The following ITSN1 variants were observed in gnomAD, a reference collection of about 807,000 sequenced individuals.
The protein encoded by ITSN1 is intersectin-1.
In ITSN1, 58 loss-of-function variants were observed where a neutral mutation model predicts 239.8. That is an observed-to-expected ratio of 0.24 (90% CI 0.20 to 0.30). The LOEUF is 0.30. Ranked by LOEUF, ITSN1 falls within the 10% of genes least tolerant of loss-of-function variation. The probability of loss-of-function intolerance (pLI) is 1.00; values close to 1 mark genes in which losing one functional copy is unlikely to be tolerated. For synonymous variants in ITSN1, 780 were observed against 770.8 expected (o/e 1.01, Z -0.20); for missense variants, 1,558 against 2,103.3 (o/e 0.74, Z 5.07).
chr21:33,865,031 C>A lies in ITSN1; in HGVS notation c.3891-120C>A. On this transcript the variant is annotated intron_variant, in intron 31 of 39. Transcript: ENST00000381318. The surrounding 1 kb of genome is among the most constrained non-coding windows in gnomAD (Gnocchi z 4.4). ...CCATTCCTTGTCTCCCAAATAGATC[C>A]TTTAGTGGCCCTTAAGGCTGTGCCC... 1 of 872,534 alleles carries A rather than the reference C, an allele frequency of 1.1e-6. No homozygotes were observed. The highest frequency in any genetic ancestry group is 1.7e-6 in the Non-Finnish European group (1 of 588,058). The allele number at this position is 872,534 out of a possible 1,614,324, so 54.0% of individuals were successfully genotyped here.
chr21:33,828,708 C>A (rs532639471), intron 26 of ITSN1, among the ~76,000 whole-genome samples: 1 of 152,204 alleles, frequency 6.6e-6, no homozygotes, highest in South Asian at 2.1e-4. Flanking sequence ...GGTAGAGGAG[C>A]AGAACAGTTT....
At chr21:33,834,725 T>A (rs28517722) in intron 28 of ITSN1, among the ~76,000 whole-genome samples, 6,803 of 152,156 alleles carry the variant, frequency 0.045, 498 homozygotes, top group African/African-American at 0.16. Context: ...TCCAGCCATT[T>A]AAATTGGGGT....
intron 5 of ITSN1, among the ~76,000 whole-genome samples, chr21:33,744,621 A>G (rs1307699199): frequency 6.6e-6 from 1 of 152,220 alleles, no homozygotes; most frequent in Non-Finnish European, 1.5e-5. Context: ...ATCCAGGTCT[A>G]GATATGAAAT....
intron 1 of ITSN1, among the ~76,000 whole-genome samples, chr21:33,696,894 AT>A (rs979625932): frequency 7.2e-5 from 11 of 152,224 alleles, no homozygotes; most frequent in Non-Finnish European, 1.3e-4. Flanking sequence ...GAGGTATACA[AT>A]TTAAATACCC....
chr21:33,809,272 C>T (rs2072715519), intron 20 of ITSN1, among the ~76,000 whole-genome samples: 1 of 152,144 alleles, frequency 6.6e-6, no homozygotes, highest in African/African-American at 2.4e-5. Flanking sequence ...TACAAGGGAA[C>T]TCCTTTTTTG....
intron 10 of ITSN1, among the ~76,000 whole-genome samples, chr21:33,767,373 T>G (rs931401363): frequency 3.3e-5 from 5 of 152,060 alleles, no homozygotes; most frequent in Admixed American, 1.3e-4. Flanking sequence ...GAATTTAAGG[T>G]TACTTGAGAG....
rs200850499 is a variant in ITSN1, at chr21:33,819,287, G to T, written c.2980G>T (p.Ala994Ser). 86 of 1,614,114 alleles carry T rather than the reference G, an allele frequency of 5.3e-5. No individual in the cohort carries two copies. Among genetic ancestry groups the T allele is most frequent in the Non-Finnish European group, 7.0e-5 (83 of 1,179,980 alleles). Residue 994 changes from alanine to serine, a missense_variant, in exon 24 of 40, where the codon GCC becomes TCC. By Grantham distance (99) the Ala-to-Ser change is moderately conservative. Coordinates refer to ENST00000381318, the MANE Select transcript of ITSN1 (RefSeq NM_003024.3). ...SESPASLKRV[A>S]SPAAKPVVSG... ...GAGTCCTGCTAGTCTAAAGCGAGTA[G>T]CCTCTCCAGCAGCCAAGCCGGTCGT... is the stretch of plus-strand genomic sequence containing the variant.
Position 33,882,797 on chromosome 21 carries a change from A to G in ITSN1, c.4554+342A>G, listed in dbSNP as rs1985143548. Among the ~76,000 whole-genome samples the G allele has an allele frequency of 6.6e-6, 1 of 152,164 alleles. No individual in the cohort carries two copies. Among genetic ancestry groups the G allele is most frequent in the Non-Finnish European group, 1.5e-5 (1 of 68,022 alleles). ...GGAGAAGAGGTGCAAAACAGCACCC[A>G]GGGCCCACCGTCGCCTCCAAACAGT... is the stretch of plus-strand genomic sequence containing the variant. On this transcript the variant is annotated intron_variant, in intron 35 of 39. Coordinates refer to ENST00000381318, the MANE Select transcript of ITSN1 (RefSeq NM_003024.3). This position sits in a 1 kb window ranked among gnomAD's most constrained non-coding sequence, Gnocchi z 4.5.
chr21:33,816,248 T>C (rs1240246089), intron 22 of ITSN1, among the ~76,000 whole-genome samples: 1 of 152,102 alleles, frequency 6.6e-6, no homozygotes, highest in African/African-American at 2.4e-5. Context: ...TAATAGATCA[T>C]TGCACATTGC....
chr21:33,791,275 A>G (rs1405130882), intron 16 of ITSN1, among the ~76,000 whole-genome samples: 1 of 152,228 alleles, frequency 6.6e-6, no homozygotes, highest in East Asian at 1.9e-4. Flanking sequence ...GAAGGAAATG[A>G]TAGAAAAACT....
chr21:33,725,104 TAAA>T (rs778135264), intron 4 of ITSN1, among the ~76,000 whole-genome samples: 102 of 133,348 alleles, frequency 7.6e-4, no homozygotes, highest in African/African-American at 2.9e-3. Context: ...CCCTCATCTT[TAAA>T]AAAAAAAAAA....
At chr21:33,845,821 A>G (rs2074973042) in intron 29 of ITSN1, among the ~76,000 whole-genome samples, 1 of 152,186 alleles carries the variant, frequency 6.6e-6, no homozygotes, top group African/African-American at 2.4e-5. Context: ...GGCCCTGTTG[A>G]AAACATCCCC....
intron 1 of ITSN1, among the ~76,000 whole-genome samples, chr21:33,690,359 G>T (rs997574060): frequency 6.6e-6 from 1 of 151,910 alleles, no homozygotes; most frequent in Non-Finnish European, 1.5e-5. Flanking sequence ...CAGCACTTTG[G>T]GAGGCTGAGG....
At chr21:33,659,606 C>T (rs931138688) in intron 1 of ITSN1, among the ~76,000 whole-genome samples, 1 of 150,976 alleles carries the variant, frequency 6.6e-6, no homozygotes, top group African/African-American at 2.4e-5. Flanking sequence ...TGTGTCTATA[C>T]ACAGTATAGA....
chr21:33,704,857 G>C (rs975129001), intron 1 of ITSN1, among the ~76,000 whole-genome samples: 3 of 149,942 alleles, frequency 2.0e-5, no homozygotes, highest in Non-Finnish European at 4.4e-5. Context: ...GGGAGGCCAG[G>C]GTGGGCAGAT....
intron 33 of ITSN1, among the ~76,000 whole-genome samples, chr21:33,872,562 C>T (rs569032734): frequency 3.3e-5 from 5 of 152,162 alleles, no homozygotes; most frequent in South Asian, 2.1e-4. Flanking sequence ...GACAGAGTCT[C>T]GCTCTGTCAC....
chr21:33,882,958 C>T lies in ITSN1; in HGVS notation c.4554+503C>T, dbSNP rs960562853. On this transcript the variant is annotated intron_variant, in intron 35 of 39. Coordinates refer to ENST00000381318, the MANE Select transcript of ITSN1 (RefSeq NM_003024.3). The surrounding 1 kb of genome is among the most constrained non-coding windows in gnomAD (Gnocchi z 4.5). The stretch of plus-strand genomic sequence containing the variant: ...ATATGGTCTGCTCATACGTGCATGG[C>T]TGTGTTTGTGTGTCTTTGTGTCACG... 2.6e-5 allele frequency among the ~76,000 whole-genome samples: 4 copies of T among 152,244 alleles called. No homozygotes were observed. The highest frequency in any genetic ancestry group is 7.2e-5 in the African/African-American group (3 of 41,538).
Position 33,721,218 on chromosome 21 carries a change from G to A in ITSN1, c.69G>A (p.Ala23=), listed in dbSNP as rs13047880. ...DIWAITVEER[A]KHDQQFHSLK... ...GGGCCATAACTGTAGAGGAAAGAGC[G>A]AAGCATGATCAGCAGTTCCATAGTT... The change falls in exon 3 of 40, where the codon GCG becomes GCA. Residue 23 remains alanine (A), a synonymous_variant. Coordinates refer to ENST00000381318, the MANE Select transcript of ITSN1 (RefSeq NM_003024.3). The A allele has an allele frequency of 5.7e-3, 9,269 of 1,613,382 alleles. 39 individuals are homozygous for A. The highest frequency in any genetic ancestry group is 7.0e-3 in the Non-Finnish European group (8,270 of 1,179,354).
intron 1 of ITSN1, among the ~76,000 whole-genome samples, chr21:33,696,180 C>CT (rs369125854): frequency 9.3e-5 from 14 of 151,230 alleles, no homozygotes; most frequent in Non-Finnish European, 1.3e-4. Flanking sequence ...TGCAGTAAGG[C>CT]TTTTTTTTTG....
Sources: gnomAD v4.1 joint callset for allele counts (sites outside exome capture counted in the v4.1 genomes callset) on GRCh38, gnomAD v4.1.1 for gene constraint, Gnocchi (gnomAD v3.1) non-coding constraint, MANE v1.5 for transcripts, NCBI Gene and HGNC (gene_info 2026-07-23, HGNC 2026-07-21) for gene names.